Variants in BIRC6 observed in about 807,000 individuals in gnomAD.
BIRC6 encodes baculoviral IAP repeat containing 6, also known as dual E2 ubiquitin-conjugating enzyme/E3 ubiquitin-protein ligase BIRC6.
In BIRC6, 98 loss-of-function variants were observed where a neutral mutation model predicts 503.3. The ratio of observed to expected loss-of-function variants is 0.19; its 90% CI spans 0.17 to 0.23. The LOEUF (loss-of-function observed/expected upper bound fraction) is 0.23, where lower values mean the gene tolerates loss of function less well. Among genes scored for constraint, BIRC6 ranks in the 10% least tolerant of loss-of-function variants. BIRC6 has a pLI of 1.00. For missense variants in BIRC6, 5,360 were observed against 5,806.0 expected, an observed-to-expected ratio of 0.92 and a Z score of 2.50; for synonymous variants, 2,240 against 2,078.7, an observed-to-expected ratio of 1.08 and a Z score of -2.11.
At chr2:32,413,921 C>T (rs78322486) in intron 9 of BIRC6, among the ~76,000 whole-genome samples, 3,406 of 152,136 alleles carry the variant, frequency 0.022, 115 homozygotes, top group African/African-American at 0.079. Flanking sequence ...AGTTGTTATG[C>T]TCTATTGTTA....
chr2:32,486,448 T>C (rs2051003168), intron 40 of BIRC6, among the ~76,000 whole-genome samples: 1 of 151,524 alleles, frequency 6.6e-6, no homozygotes, highest in African/African-American at 2.4e-5. Flanking sequence ...CTTGATGAGG[T>C]CTACACAAGT....
At chr2:32,377,900 AC>A in intron 2 of BIRC6, 131 bp downstream of exon 2, 1 of 741,570 alleles carries the variant, frequency 1.3e-6, no homozygotes, top group Non-Finnish European at 2.1e-6. Flanking sequence ...TTACTTATTG[AC>A]CACAACTTCA....
Position 32,380,104 on chromosome 2 carries a change from T to C in BIRC6, c.508-49T>C, listed in dbSNP as rs545822964. 1.3e-5 allele frequency: 17 copies of C among 1,313,262 alleles called. No individual in the cohort carries two copies. In the Admixed American group the frequency reaches 4.7e-4, roughly 37 times the overall value. 81.4% of individuals were successfully genotyped at this position (1,313,262 alleles called of 1,614,324 possible). On this transcript the variant is annotated intron_variant, in intron 2 of 73. Transcript: ENST00000421745. Reference sequence around the variant, plus strand: ...GGATCTGAATTTAATTTTTTGTTGTTCTTGTGTTGAATTTTCTGTGATTTT... The same window carrying C: ...GGATCTGAATTTAATTTTTTGTTGTCCTTGTGTTGAATTTTCTGTGATTTT...
intron 10 of BIRC6, among the ~76,000 whole-genome samples, chr2:32,420,501 A>T (rs1360908435): frequency 6.6e-6 from 1 of 152,048 alleles, no homozygotes; most frequent in Admixed American, 6.6e-5. Flanking sequence ...AATATTCCCC[A>T]CAATCATTTT....
At chr2:32,517,118 C>A (rs941460699) in intron 55 of BIRC6, among the ~76,000 whole-genome samples, 1 of 152,088 alleles carries the variant, frequency 6.6e-6, no homozygotes, top group Non-Finnish European at 1.5e-5. Flanking sequence ...AACACTTGAG[C>A]TTAGAAGTTT....
intron 3 of BIRC6, among the ~76,000 whole-genome samples, chr2:32,386,056 G>T (rs1337406375): frequency 6.6e-6 from 1 of 152,094 alleles, no homozygotes; most frequent in African/African-American, 2.4e-5. Context: ...CTTTTCATCT[G>T]GACCAATCAG....
chr2:32,548,011 G>A lies in BIRC6; in HGVS notation c.12972G>A (p.Leu4324=). 6.3e-7 allele frequency: 1 copy of A among 1,593,538 alleles called. No homozygotes were observed. Among genetic ancestry groups the A allele is most frequent in the Non-Finnish European group, 8.5e-7 (1 of 1,173,964 alleles). The part of the protein sequence containing the change: ...RLEEEHVTCL[L]QVLASYINPV... ...AAGAGGAACATGTTACCTGCCTTCTGCAGGTATATTTGTAAACTTGATATT... is the reference window on the plus strand; with the variant it reads ...AAGAGGAACATGTTACCTGCCTTCTACAGGTATATTTGTAAACTTGATATT... The change falls in exon 64 of 74, where the codon CTG becomes CTA. Residue 4324 remains leucine (L), a synonymous_variant. Coordinates refer to ENST00000421745, the MANE Select transcript of BIRC6 (RefSeq NM_016252.4).
chr2:32,486,147 A>G (rs2050965488), intron 40 of BIRC6, among the ~76,000 whole-genome samples: 1 of 152,232 alleles, frequency 6.6e-6, no homozygotes, highest in African/African-American at 2.4e-5. Flanking sequence ...CTTAAAGACT[A>G]GGATAGAGAA....
chr2:32,507,334 G>A (rs909265596), intron 50 of BIRC6, among the ~76,000 whole-genome samples: 4 of 152,186 alleles, frequency 2.6e-5, no homozygotes, highest in Non-Finnish European at 5.9e-5. Context: ...GGAGGCTACG[G>A]CAGGAGAATC....
rs1181581818 is a variant in BIRC6 at position 32,416,069 on chromosome 2, G to C, written c.2778G>C (p.Val926=). 6.2e-7 allele frequency: 1 copy of C among 1,613,720 alleles called. No homozygotes were observed. Among genetic ancestry groups the C allele is most frequent in the Non-Finnish European group, 8.5e-7 (1 of 1,179,870 alleles). The change falls in exon 10 of 74, where the codon GTG becomes GTC. Residue 926 remains valine, a synonymous_variant. Transcript: ENST00000421745. ...DLSNFEILAK[V]EPPKKEGTEE... is the part of the protein sequence containing the mutation. Reference sequence around the variant, plus strand: ...CAAACTTTGAAATTTTGGCCAAAGTGGAGCCTCCCAAAAAGGAGGGCACTG... The same window carrying C: ...CAAACTTTGAAATTTTGGCCAAAGTCGAGCCTCCCAAAAAGGAGGGCACTG...
chr2:32,610,874 T>C (rs1402046512), intron 72 of BIRC6, among the ~76,000 whole-genome samples: 1 of 151,606 alleles, frequency 6.6e-6, no homozygotes, highest in Non-Finnish European at 1.5e-5. Context: ...GTTCAAGCAA[T>C]TGTCCTGCCT....
chr2:32,473,136 A>G lies in BIRC6; in HGVS notation c.6617A>G (p.Asn2206Ser), dbSNP rs748617476. 2 of 1,579,556 alleles carry G rather than the reference A, an allele frequency of 1.3e-6. No homozygotes were observed. The highest frequency in any genetic ancestry group is 1.8e-5 in the Admixed American group (1 of 55,266). ...GGTAATCAGTGGAGTTTTATTAACA[A>G]TAATCTACACACTCAGAGCTTAAAT... ...LNGNQWSFINNNLHTQSLNRS... is the reference protein window; with the variant it reads ...LNGNQWSFINSNLHTQSLNRS... Residue 2206 changes from asparagine (N) to serine (S), a missense_variant, in exon 33 of 74, where the codon AAT (asparagine) becomes AGT (serine). By Grantham distance (46) the Asn-to-Ser change is conservative. Around this residue, in one of 16 missense-constraint regions of BIRC6, gnomAD observed 2,299 missense variants for 2,267.2 expected, o/e 1.01. Coordinates refer to ENST00000421745, the MANE Select transcript of BIRC6 (RefSeq NM_016252.4).
At position 32,499,701 on chromosome 2, in the gene BIRC6, G is replaced by A. The variant is rs1326635870; in HGVS notation, c.8623G>A (p.Asp2875Asn). ...AGTGCACCACTATATCACTTGCTCA[G>A]ACAAAGTAATGTCAAGAAGTGGATC... The part of the protein sequence containing the change: ...FLVHHYITCS[D>N]KVMSRSGSDS... The change falls in exon 46 of 74, where the codon GAC (aspartate) becomes AAC (asparagine). Residue 2875 changes from aspartate to asparagine, a missense_variant. By Grantham distance (23) the Asp-to-Asn change is conservative (BLOSUM62 1). Transcript: ENST00000421745. 18 of 1,613,850 alleles carry A rather than the reference G, an allele frequency of 1.1e-5. No homozygotes were observed. The highest frequency in any genetic ancestry group is 1.5e-5 in the Non-Finnish European group (18 of 1,179,894).
At chr2:32,513,903 C>CT (rs2054713902) in intron 54 of BIRC6, among the ~76,000 whole-genome samples, 1 of 151,640 alleles carries the variant, frequency 6.6e-6, no homozygotes, top group South Asian at 2.1e-4. Context: ...GAGCAAGACT[C>CT]TGTCTCAAAA....
chr2:32,460,272 A>ATATATATATATT (rs1278940587), intron 23 of BIRC6, among the ~76,000 whole-genome samples: 2 of 18,820 alleles, frequency 1.1e-4, no homozygotes, highest in African/African-American at 1.8e-4. Flanking sequence ...ATATATATAT[A>ATATATATATATT]TTTTTTTTTT....
intron 22 of BIRC6, among the ~76,000 whole-genome samples, chr2:32,449,829 T>C (rs1179807402): frequency 6.6e-6 from 1 of 152,372 alleles, no homozygotes; most frequent in South Asian, 2.1e-4. Flanking sequence ...ATATAGTTTC[T>C]AATGAAAGAG....
chr2:32,525,619 C>G lies in BIRC6; in HGVS notation c.11911C>G (p.Leu3971Val). The change falls in exon 59 of 74, where the codon CTC (leucine) becomes GTC (valine). Residue 3971 changes from leucine (L) to valine (V), a missense_variant. Physicochemically the swap from Leu to Val is conservative, Grantham distance 32. Around this residue, in one of 16 missense-constraint regions of BIRC6, gnomAD observed 878 missense variants for 928.9 expected, o/e 0.95. Transcript: ENST00000421745. ...CCCAGTGTTTCACCTGTTTCACAAACTCTTGGCAGGTAATATTCCTCAATG... is the reference window on the plus strand; with the variant it reads ...CCCAGTGTTTCACCTGTTTCACAAAGTCTTGGCAGGTAATATTCCTCAATG... ...TVPVFHLFHK[L>V]LAGQPLPAEM... The G allele has an allele frequency of 6.2e-7, 1 of 1,612,396 alleles. No individual in the cohort carries two copies. Among genetic ancestry groups the G allele is most frequent in the South Asian group, 1.1e-5 (1 of 90,746 alleles).
At chr2:32,558,129 A>T (rs1474199620) in intron 65 of BIRC6, among the ~76,000 whole-genome samples, 1 of 152,298 alleles carries the variant, frequency 6.6e-6, no homozygotes, top group East Asian at 1.9e-4. Context: ...TTGGAAAATG[A>T]TAGTAAATGA....
intron 66 of BIRC6, among the ~76,000 whole-genome samples, chr2:32,580,456 G>A (rs763571895): frequency 3.9e-5 from 6 of 152,154 alleles, no homozygotes; most frequent in Non-Finnish European, 8.8e-5. Flanking sequence ...CACATATTCA[G>A]GGGACCTTGA....
Sources: allele counts gnomAD v4.1 joint callset (sites outside exome capture counted in the v4.1 genomes callset), GRCh38; gene constraint gnomAD v4.1.1; regional missense constraint gnomAD v4.1.1; transcripts MANE v1.5; gene names NCBI Gene and HGNC (gene_info 2026-07-23, HGNC 2026-07-21).